ARB2A: variants seen among roughly 807,000 people sequenced by gnomAD.
The protein encoded by ARB2A is ARB2 cotranscriptional regulator A.
the ARB2A span, among the ~76,000 whole-genome samples, chr5:94,078,627 A>C: frequency 1.6e-4 from 25 of 152,144 alleles, no homozygotes; most frequent in Non-Finnish European, 2.6e-4. Context: ...AACAAATGCA[A>C]AATTGCGTTT....
At chr5:93,699,540 C>T in the ARB2A span, among the ~76,000 whole-genome samples, 3 of 151,936 alleles carry the variant, frequency 2.0e-5, no homozygotes, top group Non-Finnish European at 2.9e-5. Context: ...TTGACAGTTT[C>T]GATAAGTGGA....
the ARB2A span, chr5:93,735,214 T>A: frequency 6.6e-6 from 1 of 152,252 alleles, no homozygotes; most frequent in African/African-American, 2.4e-5. Context: ...TCATCTTAAA[T>A]CTCTGAAAAA....
the ARB2A span, among the ~76,000 whole-genome samples, chr5:94,075,145 A>G: frequency 2.2e-4 from 33 of 152,236 alleles, no homozygotes; most frequent in Non-Finnish European, 4.3e-4. Flanking sequence ...CCAAAAACCT[A>G]AAATTTCTTT....
the ARB2A span, among the ~76,000 whole-genome samples, chr5:93,761,116 G>C: frequency 6.6e-6 from 1 of 152,206 alleles, no homozygotes; most frequent in South Asian, 2.1e-4. Context: ...CCAGTCTGCA[G>C]CTCCCAGCAT....
the ARB2A span, among the ~76,000 whole-genome samples, chr5:94,004,827 T>TTAAATATATATTATTG: frequency 2.6e-5 from 4 of 151,218 alleles, no homozygotes; most frequent in African/African-American, 9.7e-5. Flanking sequence ...AAAGTTACCT[T>TTAAATATATATTATTG]ATTTAATATA....
the ARB2A span, among the ~76,000 whole-genome samples, chr5:93,995,510 A>G: frequency 2.0e-5 from 3 of 152,208 alleles, no homozygotes; most frequent in African/African-American, 7.2e-5. Context: ...GTTGACTGCC[A>G]TCTGAGAAAG....
At chr5:93,731,244 A>G in the ARB2A span, among the ~76,000 whole-genome samples, 5 of 152,208 alleles carry the variant, frequency 3.3e-5, no homozygotes, top group Non-Finnish European at 7.3e-5. Context: ...TACTGAGGTA[A>G]TTAGGTTAAA....
chr5:93,822,167 T>C, the ARB2A span, among the ~76,000 whole-genome samples: 3 of 152,168 alleles, frequency 2.0e-5, no homozygotes, highest in Non-Finnish European at 2.9e-5. Flanking sequence ...CTTCCTGTGA[T>C]GGAGAAAAAC....
the ARB2A span, among the ~76,000 whole-genome samples, chr5:93,692,203 A>G: frequency 2.0e-5 from 3 of 152,248 alleles, no homozygotes; most frequent in African/African-American, 4.8e-5. Flanking sequence ...AAATGGGTTA[A>G]AAGCCACAAT....
At chr5:93,815,147 A>C in the ARB2A span, among the ~76,000 whole-genome samples, 1 of 152,262 alleles carries the variant, frequency 6.6e-6, no homozygotes, top group South Asian at 2.1e-4. Context: ...CCAGCCAAGA[A>C]ACACTTTCAA....
chr5:94,019,320 TTAAAC>T, the ARB2A span, among the ~76,000 whole-genome samples: 1 of 152,172 alleles, frequency 6.6e-6, no homozygotes, highest in South Asian at 2.1e-4. Flanking sequence ...TGGGATCTAA[TTAAAC>T]TAAAGAGTTT....
At chr5:94,061,373 C>G in the ARB2A span, among the ~76,000 whole-genome samples, 1 of 152,166 alleles carries the variant, frequency 6.6e-6, no homozygotes. Context: ...TAGTGAAAGA[C>G]AATCCTTTTC....
At chr5:94,109,678 C>T in the ARB2A span, among the ~76,000 whole-genome samples, 3 of 152,114 alleles carry the variant, frequency 2.0e-5, no homozygotes, top group African/African-American at 7.2e-5. Context: ...CCTTGCTATT[C>T]CAAATATATC....
chr5:93,671,785 C>T, the ARB2A span, among the ~76,000 whole-genome samples: 1 of 151,886 alleles, frequency 6.6e-6, no homozygotes, highest in Non-Finnish European at 1.5e-5. Flanking sequence ...ATTGGTTGGT[C>T]ACTGAAATAA....
the ARB2A span, among the ~76,000 whole-genome samples, chr5:93,985,671 C>G: frequency 6.6e-6 from 1 of 152,164 alleles, no homozygotes; most frequent in South Asian, 2.1e-4. Flanking sequence ...GTGATCTGCC[C>G]GCCTCGGCCT....
chr5:93,795,820 G>C, the ARB2A span, among the ~76,000 whole-genome samples: 1 of 148,828 alleles, frequency 6.7e-6, no homozygotes, highest in Non-Finnish European at 1.5e-5. Context: ...AAGAATGTGA[G>C]GTCTGCTTTC....
At chr5:94,041,092 C>A in the ARB2A span, among the ~76,000 whole-genome samples, 1 of 151,452 alleles carries the variant, frequency 6.6e-6, no homozygotes, top group African/African-American at 2.4e-5. Flanking sequence ...CTGTCTCTCT[C>A]GGTCTCTCTC....
At chr5:93,660,025 T>G in the ARB2A span, among the ~76,000 whole-genome samples, 1 of 151,734 alleles carries the variant, frequency 6.6e-6, no homozygotes, top group Non-Finnish European at 1.5e-5. Context: ...GGAGATAGAA[T>G]AGAGTTTTTT....
chr5:93,990,657 A>G, the ARB2A span, among the ~76,000 whole-genome samples: 13,496 of 150,718 alleles, frequency 0.09, 768 homozygotes, highest in Middle Eastern at 0.15. Context: ...ATTGCACAAT[A>G]AATTCAGTTA....
Sources: gnomAD v4.1 joint callset for allele counts (sites outside exome capture counted in the v4.1 genomes callset) on GRCh38, gnomAD v4.1.1 for gene constraint, MANE v1.5 for transcripts, NCBI Gene and HGNC (gene_info 2026-07-23, HGNC 2026-07-21) for gene names.